Variants in SETBP1 observed in about 807,000 individuals in gnomAD.
The protein encoded by SETBP1 is SET binding protein 1.
SETBP1 carries 9 observed loss-of-function variants against 101.0 expected under a neutral mutation model. The observed-to-expected ratio is 0.09, with a 90% confidence interval of 0.05 to 0.16. SETBP1 has a LOEUF of 0.16. SETBP1 is among the 10% of genes least tolerant of loss of function. The pLI, the probability that SETBP1 is intolerant of heterozygous loss-of-function variation, is 1.00. For synonymous variants in SETBP1, 818 were observed against 788.5 expected, an observed-to-expected ratio of 1.04 and a Z score of -0.63; for missense variants, 1,858 against 2,033.8, an observed-to-expected ratio of 0.91 and a Z score of 1.66.
chr18:44,912,496 T>G (rs767242183), intron 3 of SETBP1, among the ~76,000 whole-genome samples: 6 of 152,072 alleles, frequency 3.9e-5, no homozygotes, highest in Non-Finnish European at 5.9e-5. Flanking sequence ...TTTTTGTTTG[T>G]TTGTTTTTGT....
At chr18:44,687,267 C>T (rs1219247292) in intron 1 of SETBP1, among the ~76,000 whole-genome samples, 1 of 152,100 alleles carries the variant, frequency 6.6e-6, no homozygotes, top group Non-Finnish European at 1.5e-5. Flanking sequence ...ATAGAGTGTC[C>T]CTTCTAAAAT....
chr18:44,789,940 T>C (rs1424906224), intron 2 of SETBP1, among the ~76,000 whole-genome samples: 1 of 152,206 alleles, frequency 6.6e-6, no homozygotes, highest in Non-Finnish European at 1.5e-5. Context: ...GAAGTCATTG[T>C]GTGACAAGCT....
At chr18:44,982,801 G>C (rs2072144234) in intron 4 of SETBP1, among the ~76,000 whole-genome samples, 1 of 152,168 alleles carries the variant, frequency 6.6e-6, no homozygotes, top group Non-Finnish European at 1.5e-5. Flanking sequence ...ATGACATCAT[G>C]GGGGACACTC....
rs1599006678 is a variant in SETBP1 at position 44,701,424 on chromosome 18, G to A, written c.78G>A (p.Lys26=). Residue 26 remains lysine, a synonymous_variant, in exon 2 of 6, where the codon AAG becomes AAA. Transcript: ENST00000649279. Reference sequence around the variant, plus strand: ...ACTTCCTGCCGGTCTCCTCAGCCAAGCCCCCAGCTGCTCCTGGCTGTGCAG... The same window carrying A: ...ACTTCCTGCCGGTCTCCTCAGCCAAACCCCCAGCTGCTCCTGGCTGTGCAG... ...ESDFLPVSSA[K]PPAAPGCAGE... 1 of 1,599,070 alleles carries A rather than the reference G, an allele frequency of 6.3e-7. No homozygotes were observed. The highest frequency in any genetic ancestry group is 8.5e-7 in the Non-Finnish European group (1 of 1,172,054).
intron 3 of SETBP1, among the ~76,000 whole-genome samples, chr18:44,903,307 C>T (rs1391290418): frequency 6.6e-6 from 1 of 152,210 alleles, no homozygotes; most frequent in Non-Finnish European, 1.5e-5. Context: ...ACACCTGCTG[C>T]CCACACAAGG....
chr18:44,798,781 G>A (rs892405869), intron 2 of SETBP1, among the ~76,000 whole-genome samples: 1 of 152,182 alleles, frequency 6.6e-6, no homozygotes, highest in Admixed American at 6.5e-5. Flanking sequence ...GTGTAGCTCA[G>A]CTGTTTTCCT....
At chr18:45,007,541 T>C (rs2072755229) in intron 4 of SETBP1, among the ~76,000 whole-genome samples, 1 of 152,060 alleles carries the variant, frequency 6.6e-6, no homozygotes, top group African/African-American at 2.4e-5. Flanking sequence ...TCTTCCATGA[T>C]GTACCCACAT....
rs776334194 is a variant in SETBP1 at position 45,063,675 on chromosome 18, A to T, written c.4768A>T (p.Ser1590Cys). 6.2e-7 allele frequency: 1 copy of T among 1,608,366 alleles called. No individual in the cohort carries two copies. Among genetic ancestry groups the T allele is most frequent in the Non-Finnish European group, 8.5e-7 (1 of 1,177,854 alleles). ...KAKRQRKSRG[S>C]ESEVLP Reference sequence around the variant, plus strand: ...CAAAAGGCAGAGGAAGTCCCGAGGGAGTGAGAGCGAGGTCCTTCCCTAGGG... The same window carrying T: ...CAAAAGGCAGAGGAAGTCCCGAGGGTGTGAGAGCGAGGTCCTTCCCTAGGG... Residue 1590 changes from serine (S) to cysteine (C), a missense_variant, in exon 6 of 6, where the codon AGT becomes TGT. Physicochemically the swap from Ser to Cys is moderately radical, Grantham distance 112. Coordinates refer to ENST00000649279, the MANE Select transcript of SETBP1 (RefSeq NM_015559.3).
intron 2 of SETBP1, among the ~76,000 whole-genome samples, chr18:44,758,130 C>T (rs760380705): frequency 1.3e-5 from 2 of 152,112 alleles, no homozygotes; most frequent in African/African-American, 2.4e-5. Context: ...CTAATTTTGC[C>T]ACCGATGCAG....
chr18:44,835,545 T>G (rs1329876913), intron 2 of SETBP1, among the ~76,000 whole-genome samples: 1 of 152,186 alleles, frequency 6.6e-6, no homozygotes, highest in Non-Finnish European at 1.5e-5. Context: ...AAAAAAGAAT[T>G]TTTAAGTATT....
intron 2 of SETBP1, among the ~76,000 whole-genome samples, chr18:44,719,099 G>A (rs1439609062): frequency 6.6e-6 from 1 of 152,172 alleles, no homozygotes; most frequent in Non-Finnish European, 1.5e-5. Flanking sequence ...CCCAGCATAG[G>A]AAGAGGAAGG....
At chr18:45,028,829 A>G (rs1416887800) in intron 4 of SETBP1, among the ~76,000 whole-genome samples, 1 of 152,072 alleles carries the variant, frequency 6.6e-6, no homozygotes, top group Non-Finnish European at 1.5e-5. Context: ...GTGTCTGTTC[A>G]TGTCCTTCAC....
intron 5 of SETBP1, among the ~76,000 whole-genome samples, chr18:45,055,972 G>A (rs563117618): frequency 7.2e-5 from 11 of 152,272 alleles, no homozygotes; most frequent in Admixed American, 2.0e-4. Flanking sequence ...CTTTCCAAAA[G>A]CAGTTACTTT....
chr18:44,878,211 T>A (rs2069453216), intron 3 of SETBP1, among the ~76,000 whole-genome samples: 1 of 152,234 alleles, frequency 6.6e-6, no homozygotes, highest in Non-Finnish European at 1.5e-5. Flanking sequence ...TGAAGTAACT[T>A]TGAATGATAC....
chr18:44,768,116 G>A (rs989965781), intron 2 of SETBP1, among the ~76,000 whole-genome samples: 2 of 152,212 alleles, frequency 1.3e-5, no homozygotes, highest in Non-Finnish European at 2.9e-5. Context: ...GGCACCTGTT[G>A]TTAGTAATGT....
intron 1 of SETBP1, among the ~76,000 whole-genome samples, chr18:44,696,667 C>T (rs1271540601): frequency 6.6e-6 from 1 of 152,138 alleles, no homozygotes; most frequent in Admixed American, 6.5e-5. Flanking sequence ...ACCCATAGGT[C>T]TATGGCTCTG....
At chr18:44,994,880 A>G (rs1295514280) in intron 4 of SETBP1, among the ~76,000 whole-genome samples, 14 of 152,198 alleles carry the variant, frequency 9.2e-5, no homozygotes, top group Admixed American at 7.9e-4. Flanking sequence ...CAGGGTTGCC[A>G]TGTATGGTTG....
At chr18:44,729,197 G>C (rs1555673424) in intron 2 of SETBP1, among the ~76,000 whole-genome samples, 1 of 152,176 alleles carries the variant, frequency 6.6e-6, no homozygotes, top group African/African-American at 2.4e-5. Flanking sequence ...GTCCTAGGAG[G>C]TTGAACATTA....
intron 2 of SETBP1, among the ~76,000 whole-genome samples, chr18:44,849,243 T>C (rs1050987029): frequency 6.6e-6 from 1 of 152,162 alleles, no homozygotes; most frequent in Non-Finnish European, 1.5e-5. Context: ...TGTAATGATA[T>C]GCCAAAAAGA....
Sources: gnomAD v4.1 joint callset for allele counts (sites outside exome capture counted in the v4.1 genomes callset) on GRCh38, gnomAD v4.1.1 for gene constraint, MANE v1.5 for transcripts, NCBI Gene and HGNC (gene_info 2026-07-23, HGNC 2026-07-21) for gene names.